The following CSGALNACT1 variants were observed in gnomAD, a reference collection of about 807,000 sequenced individuals.
CSGALNACT1 encodes the protein chondroitin sulfate N-acetylgalactosaminyltransferase 1, also known as beta4GalNAcT-1.
In CSGALNACT1, 52 loss-of-function variants were observed where a neutral mutation model predicts 51.0. The observed-to-expected ratio is 1.02, with a 90% CI of 0.82 to 1.29. The LOEUF (loss-of-function observed/expected upper bound fraction) is 1.29. Ranked by LOEUF, CSGALNACT1 falls within the 50% of genes most tolerant of loss-of-function variation. The pLI, the probability that CSGALNACT1 is intolerant of heterozygous loss-of-function variation, is 0.00. For synonymous variants in CSGALNACT1, 341 were observed against 254.4 expected, an observed-to-expected ratio of 1.34 and a Z score of -3.24; for missense variants, 935 against 679.2, an observed-to-expected ratio of 1.38 and a Z score of -4.19.
intron 3 of CSGALNACT1, among the ~76,000 whole-genome samples, chr8:19,527,654 G>A (rs933834136): frequency 1.5e-4 from 23 of 152,168 alleles, no homozygotes; most frequent in Non-Finnish European, 2.8e-4. Flanking sequence ...AAGTAACTGA[G>A]TGGCATAGGC....
intron 4 of CSGALNACT1, 150 bp from the exon 4 acceptor site, chr8:19,458,792 T>C: frequency 1.3e-6 from 1 of 770,370 alleles, no homozygotes; most frequent in Non-Finnish European, 2.2e-6. Context: ...ATGCTCCCAA[T>C]TAAAAAATTC....
intron 3 of CSGALNACT1, among the ~76,000 whole-genome samples, chr8:19,523,674 G>T (rs545707537): frequency 5.3e-5 from 8 of 152,204 alleles, no homozygotes; most frequent in Non-Finnish European, 1.2e-4. Context: ...TTGTATTCAC[G>T]TAATCATCAA....
chr8:19,453,809 G>C (rs192757765), intron 5 of CSGALNACT1, among the ~76,000 whole-genome samples: 25 of 152,232 alleles, frequency 1.6e-4, no homozygotes, highest in African/African-American at 6.0e-4. Flanking sequence ...CTACTCGGGA[G>C]GCTGAGGTAC....
intron 3 of CSGALNACT1, among the ~76,000 whole-genome samples, chr8:19,515,478 C>T (rs909767701): frequency 1.3e-5 from 2 of 152,172 alleles, no homozygotes; most frequent in African/African-American, 4.8e-5. Flanking sequence ...CCTCCATCCC[C>T]TCAACTCCTC....
At chr8:19,489,895 C>T (rs924445964) in intron 4 of CSGALNACT1, among the ~76,000 whole-genome samples, 7 of 152,204 alleles carry the variant, frequency 4.6e-5, no homozygotes, top group Admixed American at 1.3e-4. Flanking sequence ...TGTTTACACA[C>T]ATTTTCTAGC....
chr8:19,451,787 G>C (rs150670402), intron 5 of CSGALNACT1, among the ~76,000 whole-genome samples: 6 of 152,290 alleles, frequency 3.9e-5, no homozygotes, highest in African/African-American at 1.4e-4. Flanking sequence ...TTAACAAATT[G>C]ATGCTGATGT....
intron 1 of CSGALNACT1, among the ~76,000 whole-genome samples, chr8:19,720,590 G>C (rs1309952680): frequency 2.0e-5 from 3 of 152,178 alleles, no homozygotes; most frequent in Non-Finnish European, 4.4e-5. Context: ...TCGAGGAGTG[G>C]CTCCCTTCCC....
At chr8:19,667,626 A>C (rs933477000) in intron 1 of CSGALNACT1, among the ~76,000 whole-genome samples, 5 of 152,176 alleles carry the variant, frequency 3.3e-5, no homozygotes, top group East Asian at 1.9e-4. Flanking sequence ...CATGACCACA[A>C]AACGGCAGTA....
At chr8:19,637,060 C>T (rs1564317723) in intron 1 of CSGALNACT1, among the ~76,000 whole-genome samples, 1 of 151,890 alleles carries the variant, frequency 6.6e-6, no homozygotes. Context: ...ATTAGCCAGA[C>T]ATGGTGGTCT....
chr8:19,750,373 G>A (rs2064955830), intron 1 of CSGALNACT1, among the ~76,000 whole-genome samples: 1 of 152,058 alleles, frequency 6.6e-6, no homozygotes, highest in African/African-American at 2.4e-5. Context: ...ACTCGGCCTT[G>A]GATTTTAGAT....
chr8:19,560,164 G>A (rs2040385184), intron 3 of CSGALNACT1, among the ~76,000 whole-genome samples: 1 of 152,064 alleles, frequency 6.6e-6, no homozygotes, highest in Non-Finnish European at 1.5e-5. Context: ...AGGGTGAAGT[G>A]GTTTCACTAA....
At chr8:19,644,265 T>C (rs960068101) in intron 1 of CSGALNACT1, among the ~76,000 whole-genome samples, 1 of 152,012 alleles carries the variant, frequency 6.6e-6, no homozygotes, top group Non-Finnish European at 1.5e-5. Flanking sequence ...GTAGGTAAAA[T>C]TATAGGTAAC....
intron 1 of CSGALNACT1, among the ~76,000 whole-genome samples, chr8:19,629,932 T>C (rs958984171): frequency 6.6e-6 from 1 of 152,164 alleles, no homozygotes; most frequent in Non-Finnish European, 1.5e-5. Context: ...AGACGCCCAG[T>C]AGGCCAGGCA....
At chr8:19,750,859 G>A (rs547184239) in intron 1 of CSGALNACT1, among the ~76,000 whole-genome samples, 8 of 152,132 alleles carry the variant, frequency 5.3e-5, no homozygotes, top group South Asian at 4.2e-4. Context: ...CCACACACTC[G>A]ATCTTATTCA....
At chr8:19,555,205 C>G (rs1267309739) in intron 3 of CSGALNACT1, among the ~76,000 whole-genome samples, 2 of 150,698 alleles carry the variant, frequency 1.3e-5, no homozygotes, top group Non-Finnish European at 3.0e-5. Flanking sequence ...CGCCATTGCA[C>G]TCCAGCCTGG....
chr8:19,689,554 A>G (rs548249780), intron 1 of CSGALNACT1, among the ~76,000 whole-genome samples: 53 of 152,342 alleles, frequency 3.5e-4, no homozygotes, highest in Non-Finnish European at 5.3e-4. Context: ...GATACACACG[A>G]CTATAAAAGA....
At chr8:19,406,331 A>G (rs1476646246) in intron 9 of CSGALNACT1, among the ~76,000 whole-genome samples, 1 of 151,998 alleles carries the variant, frequency 6.6e-6, no homozygotes, top group African/African-American at 2.4e-5. Context: ...TGCATTCAAG[A>G]GTTATCAGCA....
intron 3 of CSGALNACT1, 33 bp from the exon 3 acceptor site, chr8:19,506,163 A>T (rs1269635065): frequency 3.7e-6 from 2 of 539,030 alleles, no homozygotes. Context: ...TCAACACTTA[A>T]TCAAGACAAC....
intron 1 of CSGALNACT1, among the ~76,000 whole-genome samples, chr8:19,751,691 G>A (rs2065037629): frequency 6.6e-6 from 1 of 152,120 alleles, no homozygotes; most frequent in Admixed American, 6.5e-5. Flanking sequence ...CTGAATCATA[G>A]CGGCAGACTT....
Sources: allele counts gnomAD v4.1 joint callset (sites outside exome capture counted in the v4.1 genomes callset), GRCh38; gene constraint gnomAD v4.1.1; transcripts MANE v1.5; gene names NCBI Gene and HGNC (gene_info 2026-07-23, HGNC 2026-07-21).